AMPH: variants seen among roughly 807,000 people sequenced by gnomAD.
The protein encoded by AMPH is amphiphysin.
A neutral mutation model predicts 99.1 loss-of-function variants in AMPH; 49 were observed. The ratio of observed to expected loss-of-function variants is 0.49; its 90% CI spans 0.39 to 0.63. The LOEUF (loss-of-function observed/expected upper bound fraction) is 0.63, where lower values mean the gene tolerates loss of function less well. Among genes scored for constraint, AMPH ranks in the 20% least tolerant of loss-of-function variants. The pLI is 0.00. For missense variants in AMPH, 759 were observed against 863.4 expected (o/e 0.88, Z 1.52); for synonymous variants, 314 against 317.3 (o/e 0.99, Z 0.11).
At chr7:38,535,980 C>A (rs1213378622) in intron 1 of AMPH, among the ~76,000 whole-genome samples, 1 of 152,022 alleles carries the variant, frequency 6.6e-6, no homozygotes, top group Non-Finnish European at 1.5e-5. Flanking sequence ...TGGTAAGTTC[C>A]GTCTCACCAT....
At chr7:38,596,016 T>C (rs918428718) in intron 1 of AMPH, among the ~76,000 whole-genome samples, 1 of 152,250 alleles carries the variant, frequency 6.6e-6, no homozygotes, top group Non-Finnish European at 1.5e-5. Flanking sequence ...AGTGCTGTGA[T>C]GAACATATGG....
At chr7:38,480,371 T>G (rs980516472) in intron 5 of AMPH, among the ~76,000 whole-genome samples, 2 of 152,008 alleles carry the variant, frequency 1.3e-5, no homozygotes, top group African/African-American at 4.8e-5. Context: ...AGCAACTTCC[T>G]CCCTCTAATT....
intron 13 of AMPH, chr7:38,430,088 C>T (rs1477780761): frequency 1.9e-6 from 1 of 522,450 alleles, no homozygotes; most frequent in Non-Finnish European, 3.3e-6. Context: ...AAGCCTCTTT[C>T]ACTTTCTAGC....
intron 5 of AMPH, among the ~76,000 whole-genome samples, chr7:38,489,366 T>C (rs1788633002): frequency 6.6e-6 from 1 of 151,380 alleles, no homozygotes; most frequent in Non-Finnish European, 1.5e-5. Context: ...AGACCTGAAT[T>C]GTAAGCTCTG....
chr7:38,584,180 CTACTGGGAGCACCTTCATGT>C (rs1382634660), intron 1 of AMPH, among the ~76,000 whole-genome samples: 2 of 152,138 alleles, frequency 1.3e-5, no homozygotes, highest in South Asian at 4.1e-4. Context: ...GCATTTCAGG[CTACTGGGAGCACCTTCATGT>C]TGGCCTCTGT....
intron 11 of AMPH, among the ~76,000 whole-genome samples, chr7:38,458,967 A>G (rs1787338255): frequency 6.6e-6 from 1 of 152,086 alleles, no homozygotes; most frequent in African/African-American, 2.4e-5. Context: ...AGCTAGAAAA[A>G]ATGAAAGAAT....
chr7:38,542,005 C>T (rs888522054), intron 1 of AMPH, among the ~76,000 whole-genome samples: 2 of 152,186 alleles, frequency 1.3e-5, no homozygotes, highest in African/African-American at 4.8e-5. Context: ...TTCTCTCCTT[C>T]CTAACCCTTT....
intron 17 of AMPH, among the ~76,000 whole-genome samples, chr7:38,405,320 C>T (rs2128981611): frequency 6.6e-6 from 1 of 152,222 alleles, no homozygotes; most frequent in Middle Eastern, 3.4e-3. Flanking sequence ...ATGCAACTAG[C>T]TGATAACACT....
chr7:38,468,998 C>T (rs1787773871), intron 7 of AMPH, among the ~76,000 whole-genome samples: 1 of 116,926 alleles, frequency 8.6e-6, no homozygotes, highest in African/African-American at 3.5e-5. Flanking sequence ...ACTAAAAATA[C>T]AAAAAATTAG....
At chr7:38,472,932 C>T (rs570847779) in intron 7 of AMPH, among the ~76,000 whole-genome samples, 1 of 152,106 alleles carries the variant, frequency 6.6e-6, no homozygotes, top group African/African-American at 2.4e-5. Flanking sequence ...CTTTGAATAA[C>T]CAAATACAAC....
intron 2 of AMPH, among the ~76,000 whole-genome samples, chr7:38,507,922 G>A (rs1316112234): frequency 6.6e-6 from 1 of 152,114 alleles, no homozygotes; most frequent in African/African-American, 2.4e-5. Context: ...ACGGGTGTGG[G>A]AAATTATTGA....
rs1002125207 is a variant in AMPH, at chr7:38,456,879, G to C, written c.1017+4404C>G. On this transcript the variant is annotated intron_variant, in intron 11 of 20. Transcript: ENST00000356264. ...GCTCAGTCTACCACTGCCTCCACTGGGGCCCAAAGACTGGTCAACCTGGCA... is the reference window on the plus strand; with the variant it reads ...GCTCAGTCTACCACTGCCTCCACTGCGGCCCAAAGACTGGTCAACCTGGCA... 6.6e-5 allele frequency among the ~76,000 whole-genome samples: 10 copies of C among 152,244 alleles called. 1 individual carries two copies. Among genetic ancestry groups the C allele is most frequent in the Admixed American group, 1.3e-4 (2 of 15,294 alleles).
chr7:38,597,490 T>C (rs1420459173), intron 1 of AMPH, among the ~76,000 whole-genome samples: 1 of 152,204 alleles, frequency 6.6e-6, no homozygotes, highest in Non-Finnish European at 1.5e-5. Flanking sequence ...ATATTTTAAT[T>C]CAAGAGATAT....
intron 1 of AMPH, among the ~76,000 whole-genome samples, chr7:38,556,775 C>T (rs1335515286): frequency 3.9e-5 from 6 of 152,084 alleles, no homozygotes; most frequent in Non-Finnish European, 8.8e-5. Flanking sequence ...AGGGCTTTGT[C>T]TGGTATACCG....
intron 11 of AMPH, among the ~76,000 whole-genome samples, chr7:38,445,213 T>C (rs779715988): frequency 3.3e-5 from 5 of 151,784 alleles, no homozygotes; most frequent in Admixed American, 2.6e-4. Flanking sequence ...CAATGGAATA[T>C]TCATTTCTAA....
chr7:38,472,701 C>T (rs571823513), intron 7 of AMPH, among the ~76,000 whole-genome samples: 54 of 152,224 alleles, frequency 3.5e-4, no homozygotes, highest in South Asian at 8.3e-4. Flanking sequence ...AGGTTTTGAT[C>T]GAAAGGCAGG....
At chr7:38,452,816 C>A (rs368676330) in intron 11 of AMPH, among the ~76,000 whole-genome samples, 5 of 152,330 alleles carry the variant, frequency 3.3e-5, no homozygotes, top group Admixed American at 3.3e-4. Context: ...TTCCTGACCT[C>A]ATCCCAGACC....
rs1791976515 is a variant in AMPH, at chr7:38,571,153, A to ATATATATT, written c.70-36143_70-36142insAATATATA. 1.3e-4 allele frequency among the ~76,000 whole-genome samples: 4 copies of ATATATATT among 30,104 alleles called. 2 individuals carry two copies. The highest frequency in any genetic ancestry group is 2.0e-4 in the African/African-American group (2 of 9,950). The allele number at this position is 30,104 out of a possible 152,430, so 19.7% of individuals were successfully genotyped here. On this transcript the variant is annotated intron_variant, in intron 1 of 20. Coordinates refer to ENST00000356264, the MANE Select transcript of AMPH (RefSeq NM_001635.4). ...TATATATATTTTTATATATTTATGA[A>ATATATATT]TATATATATTTTTATATATTTTTAT...
chr7:38,496,723 C>A (rs890869110), intron 3 of AMPH, among the ~76,000 whole-genome samples: 3 of 152,110 alleles, frequency 2.0e-5, no homozygotes, highest in Non-Finnish European at 4.4e-5. Flanking sequence ...AAGAAATATA[C>A]CCCTCAAATT....
Sources: allele counts gnomAD v4.1 joint callset (sites outside exome capture counted in the v4.1 genomes callset), GRCh38; gene constraint gnomAD v4.1.1; transcripts MANE v1.5; gene names NCBI Gene and HGNC (gene_info 2026-07-23, HGNC 2026-07-21).